The following FMN2 variants were observed in gnomAD, a reference collection of about 807,000 sequenced individuals.
The protein encoded by FMN2 is formin 2, also known as formin-2.
In FMN2, 51 loss-of-function variants were observed where a neutral mutation model predicts 142.3. The ratio of observed to expected loss-of-function variants is 0.36; its 90% CI spans 0.29 to 0.45. FMN2 has a LOEUF of 0.45. FMN2 is among the 20% of genes least tolerant of loss of function. The pLI is 1.00. For missense variants in FMN2, 1,936 were observed against 2,122.8 expected (o/e 0.91, Z 1.73); for synonymous variants, 882 against 869.8 (o/e 1.01, Z -0.25).
At chr1:240,407,024 CAT>C (rs1274261900) in intron 15 of FMN2, among the ~76,000 whole-genome samples, 5 of 152,146 alleles carry the variant, frequency 3.3e-5, no homozygotes, top group Admixed American at 6.5e-5. Flanking sequence ...GCATGCATCA[CAT>C]GTGGGTAAAC....
At chr1:240,390,684 G>A (rs975515137) in intron 14 of FMN2, among the ~76,000 whole-genome samples, 9 of 152,210 alleles carry the variant, frequency 5.9e-5, no homozygotes, top group African/African-American at 2.2e-4. Context: ...ACTGATTATT[G>A]GAGGCACCGT....
chr1:240,390,651 G>C (rs181849357), intron 14 of FMN2, among the ~76,000 whole-genome samples: 2 of 152,256 alleles, frequency 1.3e-5, no homozygotes, highest in South Asian at 2.1e-4. Context: ...AATTTTCCAA[G>C]GATATTTATC....
At chr1:240,202,704 T>C (rs1239358757) in intron 4 of FMN2, among the ~76,000 whole-genome samples, 2 of 152,084 alleles carry the variant, frequency 1.3e-5, no homozygotes, top group African/African-American at 4.8e-5. Context: ...CTTCAAGTGA[T>C]CCTCCCACTT....
chr1:240,214,494 T>C (rs1404289359), intron 6 of FMN2, among the ~76,000 whole-genome samples: 1 of 145,762 alleles, frequency 6.9e-6, no homozygotes, highest in East Asian at 2.0e-4. Flanking sequence ...GAGGTTGCAG[T>C]GAGCCGAGAT....
At chr1:240,139,530 C>T (rs1663088780) in intron 2 of FMN2, among the ~76,000 whole-genome samples, 1 of 151,740 alleles carries the variant, frequency 6.6e-6, no homozygotes, top group African/African-American at 2.4e-5. Flanking sequence ...AATACTTACC[C>T]AATAAGGGGA....
rs768778411 is a variant in FMN2 at position 240,092,829 on chromosome 1, C to T, written c.720C>T (p.Ser240=). The T allele has an allele frequency of 8.3e-6, 13 of 1,565,990 alleles. No individual in the cohort carries two copies. Among genetic ancestry groups the T allele is most frequent in the African/African-American group, 1.4e-5 (1 of 73,852 alleles). ...EEPAAPPTAV[S]PQPGAFLGLD... ...CTGCAGCGCCCCCCACTGCCGTCTCCCCTCAGCCCGGGGCCTTCCTGGGCC... is the reference window on the plus strand; with the variant it reads ...CTGCAGCGCCCCCCACTGCCGTCTCTCCTCAGCCCGGGGCCTTCCTGGGCC... Residue 240 remains serine, a synonymous_variant, in exon 1 of 18, where the codon TCC becomes TCT. Transcript: ENST00000319653.
At chr1:240,369,035 G>A (rs1231289820) in intron 14 of FMN2, among the ~76,000 whole-genome samples, 1 of 151,608 alleles carries the variant, frequency 6.6e-6, no homozygotes, top group African/African-American at 2.4e-5. Context: ...CATAGGTACC[G>A]TGTGTGCACG....
intron 7 of FMN2, among the ~76,000 whole-genome samples, chr1:240,278,765 G>A (rs963324234): frequency 2.6e-5 from 4 of 152,022 alleles, no homozygotes; most frequent in African/African-American, 9.7e-5. Flanking sequence ...AAATACCAGA[G>A]TATCTTTATA....
At chr1:240,139,532 A>G (rs1663088866) in intron 2 of FMN2, among the ~76,000 whole-genome samples, 1 of 152,178 alleles carries the variant, frequency 6.6e-6, no homozygotes, top group Non-Finnish European at 1.5e-5. Flanking sequence ...TACTTACCCA[A>G]TAAGGGGAAA....
chr1:240,353,556 G>GTCT (rs1192965025), intron 13 of FMN2, among the ~76,000 whole-genome samples: 3 of 152,198 alleles, frequency 2.0e-5, no homozygotes, highest in Non-Finnish European at 2.9e-5. Flanking sequence ...AAGTAGCTCA[G>GTCT]TCTAGTGGGG....
chr1:240,129,553 A>G (rs575920808), intron 2 of FMN2, among the ~76,000 whole-genome samples: 1 of 133,094 alleles, frequency 7.5e-6, no homozygotes, highest in South Asian at 2.4e-4. Flanking sequence ...CCCAGGCTGG[A>G]GTACAGTGGC....
chr1:240,353,332 A>G (rs1672160079), intron 13 of FMN2, among the ~76,000 whole-genome samples: 1 of 152,300 alleles, frequency 6.6e-6, no homozygotes, highest in African/African-American at 2.4e-5. Context: ...ACTACCATAT[A>G]ATGCAACTAA....
intron 14 of FMN2, among the ~76,000 whole-genome samples, chr1:240,381,404 CAA>C: frequency 6.6e-6 from 1 of 152,164 alleles, no homozygotes; most frequent in East Asian, 1.9e-4. Context: ...ATTTACCACA[CAA>C]AGAGATTTAA....
chr1:240,141,339 C>T (rs957413198), intron 2 of FMN2, among the ~76,000 whole-genome samples: 7 of 136,120 alleles, frequency 5.1e-5, no homozygotes, highest in Non-Finnish European at 1.1e-4. Context: ...TAACAGGCAA[C>T]GGTATTTTAT....
intron 1 of FMN2, among the ~76,000 whole-genome samples, chr1:240,102,867 T>G (rs1661461461): frequency 6.7e-6 from 1 of 150,196 alleles, no homozygotes; most frequent in Non-Finnish European, 1.5e-5. Flanking sequence ...TCCTTTAATT[T>G]TTTTTTTTTT....
chr1:240,142,948 A>T (rs1663255917), intron 2 of FMN2: 1 of 1,603,908 alleles, frequency 6.2e-7, no homozygotes, highest in Non-Finnish European at 8.5e-7. Flanking sequence ...TACAATACAT[A>T]GTGTGATTTG....
chr1:240,457,297 T>C (rs1329150837), intron 16 of FMN2, among the ~76,000 whole-genome samples: 1 of 152,210 alleles, frequency 6.6e-6, no homozygotes, highest in Non-Finnish European at 1.5e-5. Flanking sequence ...AGCATTTTCA[T>C]TCCAATTTCC....
chr1:240,452,025 A>G (rs1676067746), intron 16 of FMN2, among the ~76,000 whole-genome samples: 1 of 152,006 alleles, frequency 6.6e-6, no homozygotes, highest in South Asian at 2.1e-4. Context: ...CCCCGTCTCT[A>G]CTAAAAATAC....
intron 14 of FMN2, among the ~76,000 whole-genome samples, chr1:240,364,217 C>A (rs10926228): frequency 2.0e-5 from 3 of 152,004 alleles, no homozygotes; most frequent in Non-Finnish European, 4.4e-5. Context: ...GAACCAAGAT[C>A]TTTTAAAGGA....
Sources: gnomAD v4.1 joint callset for allele counts (sites outside exome capture counted in the v4.1 genomes callset) on GRCh38, gnomAD v4.1.1 for gene constraint, MANE v1.5 for transcripts, NCBI Gene and HGNC (gene_info 2026-07-23, HGNC 2026-07-21) for gene names.